DAB1: variants seen among roughly 807,000 people sequenced by gnomAD.
DAB1 encodes DAB adaptor protein 1.
Under a neutral mutation model 64.6 loss-of-function variants are expected in DAB1, and 15 were observed. The observed-to-expected ratio is 0.23, with a 90% confidence interval of 0.16 to 0.36. The LOEUF is 0.36. DAB1 is among the 10% of genes least tolerant of loss of function. The pLI, the probability that DAB1 is intolerant of heterozygous loss-of-function variation, is 1.00. For synonymous variants in DAB1, 235 were observed against 251.9 expected (o/e 0.93, Z 0.64); for missense variants, 596 against 706.7 (o/e 0.84, Z 1.78).
intron 7 of DAB1, among the ~76,000 whole-genome samples, chr1:57,545,772 T>C (rs1245133984): frequency 6.6e-6 from 1 of 152,224 alleles, no homozygotes; most frequent in East Asian, 1.9e-4. Context: ...TGGTTCATTC[T>C]ACTTGTCTGT....
chr1:57,762,603 G>C (rs1044399183), intron 6 of DAB1, among the ~76,000 whole-genome samples: 1 of 152,088 alleles, frequency 6.6e-6, no homozygotes, highest in Admixed American at 6.6e-5. Context: ...CATCAACTTA[G>C]ATTAAAAATA....
chr1:57,627,907 A>T (rs1278895412), intron 7 of DAB1, among the ~76,000 whole-genome samples: 1 of 144,912 alleles, frequency 6.9e-6, no homozygotes, highest in Non-Finnish European at 1.5e-5. Flanking sequence ...CCTTGGAGTT[A>T]ACTCTCCTTG....
intron 1 of DAB1, among the ~76,000 whole-genome samples, chr1:57,385,719 T>G (rs1681756487): frequency 1.3e-5 from 2 of 152,156 alleles, no homozygotes; most frequent in African/African-American, 4.8e-5. Flanking sequence ...AGAAAGGGCC[T>G]AAAAACTTAC....
chr1:58,491,914 C>T (rs1645700041), intron 3 of DAB1, among the ~76,000 whole-genome samples: 1 of 152,122 alleles, frequency 6.6e-6, no homozygotes, highest in Admixed American at 6.5e-5. Flanking sequence ...ACCAAGTGGA[C>T]CTAATAGACA....
chr1:57,935,956 A>G (rs970053536), intron 5 of DAB1, among the ~76,000 whole-genome samples: 1 of 152,220 alleles, frequency 6.6e-6, no homozygotes, highest in East Asian at 1.9e-4. Context: ...GATGGGCTCA[A>G]TTGTCAGATG....
chr1:57,899,624 G>A (rs534079044), intron 5 of DAB1, among the ~76,000 whole-genome samples: 18 of 151,800 alleles, frequency 1.2e-4, no homozygotes, highest in Non-Finnish European at 2.5e-4. Flanking sequence ...CACCACTCAC[G>A]GAGAAAGTCA....
intron 5 of DAB1, among the ~76,000 whole-genome samples, chr1:57,926,500 G>C (rs569078449): frequency 6.6e-6 from 1 of 152,298 alleles, no homozygotes; most frequent in East Asian, 1.9e-4. Flanking sequence ...GGGCCTTGGA[G>C]TCTCAATATG....
chr1:57,282,182 C>T (rs1372109840), intron 2 of DAB1, among the ~76,000 whole-genome samples: 2 of 92,768 alleles, frequency 2.2e-5, no homozygotes, highest in African/African-American at 8.8e-5. Context: ...GCCTTCTTCT[C>T]AAAAAAAAAA....
chr1:58,374,636 TG>T (rs1490515128), intron 3 of DAB1, among the ~76,000 whole-genome samples: 2 of 133,018 alleles, frequency 1.5e-5, no homozygotes, highest in East Asian at 4.3e-4. Context: ...TTTGTTCTTT[TG>T]GCTTAGGATT....
intron 8 of DAB1, among the ~76,000 whole-genome samples, chr1:57,067,941 C>T (rs1651083949): frequency 6.6e-6 from 1 of 152,146 alleles, no homozygotes; most frequent in Non-Finnish European, 1.5e-5. Context: ...AAGGTAAGTG[C>T]CTTGCCCACT....
chr1:58,475,179 T>A (rs1645406635), intron 3 of DAB1, among the ~76,000 whole-genome samples: 1 of 152,120 alleles, frequency 6.6e-6, no homozygotes, highest in African/African-American at 2.4e-5. Flanking sequence ...GTATTGAAAC[T>A]GAGTCTTGCT....
chr1:57,457,459 A>G (rs986723588), intron 7 of DAB1, among the ~76,000 whole-genome samples: 1 of 152,176 alleles, frequency 6.6e-6, no homozygotes, highest in Non-Finnish European at 1.5e-5. Flanking sequence ...AGTGCTATAG[A>G]ACAAGGAAAC....
At chr1:57,493,539 G>A (rs980279754) in intron 7 of DAB1, among the ~76,000 whole-genome samples, 4 of 152,154 alleles carry the variant, frequency 2.6e-5, no homozygotes, top group Non-Finnish European at 4.4e-5. Flanking sequence ...CTGATCCATA[G>A]ATGAATACAT....
intron 4 of DAB1, among the ~76,000 whole-genome samples, chr1:58,299,545 A>G (rs1662072501): frequency 6.6e-6 from 1 of 152,220 alleles, no homozygotes; most frequent in Non-Finnish European, 1.5e-5. Context: ...TAATGCATAA[A>G]TAAACATACA....
At position 58,494,604 on chromosome 1, in the gene DAB1, T is replaced by C. The variant is rs1245737540; in HGVS notation, n.257+11456A>G. Among the ~76,000 whole-genome samples the C allele has an allele frequency of 3.7e-4, 56 of 151,830 alleles. No homozygotes were observed. The East Asian group carries it at 8.7e-3, about 24-fold the overall frequency. ...ACAAACAACCCCATCAAAAAGTGGG[T>C]GAAGGATATGAACAGACACTTCTCA... On this transcript the variant is annotated intron_variant and non_coding_transcript_variant, in intron 3 of 20. Coordinates refer to the DAB1 transcript ENST00000485760.
chr1:57,217,085 C>T (rs197598), intron 2 of DAB1, among the ~76,000 whole-genome samples: 88,013 of 152,012 alleles, frequency 0.58, 26,511 homozygotes, highest in African/African-American at 0.75. Context: ...TCATGACCTA[C>T]AAAACTGGCC....
chr1:57,140,048 G>A (rs1485358439), intron 3 of DAB1, among the ~76,000 whole-genome samples: 1 of 152,162 alleles, frequency 6.6e-6, no homozygotes, highest in African/African-American at 2.4e-5. Flanking sequence ...ACAAGACAGT[G>A]CCTTCAGGAC....
intron 1 of DAB1, among the ~76,000 whole-genome samples, chr1:57,335,972 G>A (rs576465793): frequency 7.9e-5 from 12 of 152,302 alleles, no homozygotes; most frequent in Admixed American, 7.8e-4. Context: ...GTTGGCATCT[G>A]CAAGTAGAAA....
chr1:57,459,611 C>T (rs1390356758), intron 7 of DAB1, among the ~76,000 whole-genome samples: 1 of 152,082 alleles, frequency 6.6e-6, no homozygotes, highest in Non-Finnish European at 1.5e-5. Context: ...GGACATTAAA[C>T]TAGAAGAGAC....
Sources: allele counts gnomAD v4.1 joint callset (sites outside exome capture counted in the v4.1 genomes callset), GRCh38; gene constraint gnomAD v4.1.1; transcripts MANE v1.5; gene names NCBI Gene and HGNC (gene_info 2026-07-23, HGNC 2026-07-21).